The following TSGA10 variants were observed in gnomAD, a reference collection of about 807,000 sequenced individuals.
TSGA10 encodes the protein testis-specific gene 10 protein.
Under a neutral mutation model 96.6 loss-of-function variants are expected in TSGA10, and 43 were observed. The ratio of observed to expected loss-of-function variants is 0.44; its 90% confidence interval spans 0.35 to 0.57. The LOEUF (loss-of-function observed/expected upper bound fraction) is 0.57. Ranked by LOEUF, TSGA10 falls within the 20% of genes least tolerant of loss-of-function variation. The pLI, the probability that TSGA10 is intolerant of heterozygous loss-of-function variation, is 0.01. For missense variants in TSGA10, 703 were observed against 834.4 expected (o/e 0.84, Z 1.94); for synonymous variants, 229 against 269.9 (o/e 0.85, Z 1.48).
chr2:99,105,137 T>TA (rs1281848905), intron 9 of TSGA10, among the ~76,000 whole-genome samples: 1 of 152,144 alleles, frequency 6.6e-6, no homozygotes, highest in Non-Finnish European at 1.5e-5. Flanking sequence ...TTAAAGTACA[T>TA]ACTTTGCAAC....
chr2:99,077,457 C>T (rs529982813), intron 12 of TSGA10, among the ~76,000 whole-genome samples: 31 of 152,222 alleles, frequency 2.0e-4, no homozygotes, highest in Admixed American at 1.7e-3. Context: ...GCTGCTTTTG[C>T]TTAAGATATT....
intron 12 of TSGA10, among the ~76,000 whole-genome samples, chr2:99,077,736 T>C (rs559669692): frequency 6.6e-6 from 1 of 152,000 alleles, no homozygotes; most frequent in African/African-American, 2.4e-5. Context: ...TAATTTTTTG[T>C]ATTTTTAATA....
At chr2:99,029,360 AGACCAGGGT>A (rs2105029599) in intron 17 of TSGA10, among the ~76,000 whole-genome samples, 2 of 152,322 alleles carry the variant, frequency 1.3e-5, no homozygotes, top group African/African-American at 4.8e-5. Context: ...TAGAAAATCA[AGACCAGGGT>A]ATATTATATA....
At chr2:99,017,728 G>A (rs1297295747) in intron 20 of TSGA10, among the ~76,000 whole-genome samples, 2 of 148,958 alleles carry the variant, frequency 1.3e-5, no homozygotes, top group African/African-American at 5.0e-5. Flanking sequence ...TCCCGCCACT[G>A]CACTCCAGCC....
At chr2:99,011,417 C>T (rs916415957) in intron 20 of TSGA10, among the ~76,000 whole-genome samples, 4 of 152,266 alleles carry the variant, frequency 2.6e-5, no homozygotes, top group Admixed American at 2.6e-4. Flanking sequence ...CAGGCATTAG[C>T]CACCATGCCC....
chr2:99,014,670 A>AT (rs1239071752), intron 20 of TSGA10, among the ~76,000 whole-genome samples: 1 of 152,020 alleles, frequency 6.6e-6, no homozygotes, highest in Non-Finnish European at 1.5e-5. Context: ...AAATGAGACA[A>AT]AAAAATTACA....
At position 99,117,542 on chromosome 2, in the gene TSGA10, A is replaced by G; in HGVS notation, c.-140+2T>C. 1 of 985,536 alleles carries G rather than the reference A, an allele frequency of 1.0e-6. No homozygotes were observed. The highest frequency in any genetic ancestry group is 1.2e-6 in the Non-Finnish European group (1 of 829,604). 61.0% of individuals were successfully genotyped at this position (985,536 alleles called of 1,614,324 possible). ...AATCCTTATCCGTGGTAAATCTGGT[A>G]CCTTGGCTTCTTCAAGTTCCTTGTT... On this transcript the variant is annotated splice_donor_variant, in intron 4 of 20. Coordinates refer to ENST00000393483, the MANE Select transcript of TSGA10 (RefSeq NM_025244.4). LOFTEE classifies it low-confidence loss of function (5UTR_SPLICE).
chr2:99,044,819 T>A (rs1365721129), intron 16 of TSGA10, among the ~76,000 whole-genome samples: 1 of 152,120 alleles, frequency 6.6e-6, no homozygotes, highest in Admixed American at 6.5e-5. Context: ...ACAGAAATCA[T>A]AATAAACAGT....
chr2:99,128,176 G>A (rs1237334614), intron 1 of TSGA10, among the ~76,000 whole-genome samples: 1 of 152,146 alleles, frequency 6.6e-6, no homozygotes, highest in African/African-American at 2.4e-5. Flanking sequence ...CCCAGTCACT[G>A]ACCTTATGAT....
intron 10 of TSGA10, 63 bp from the exon 11 acceptor site, chr2:99,081,460 TTAAATC>T: frequency 1.2e-6 from 1 of 832,010 alleles, no homozygotes; most frequent in Non-Finnish European, 1.8e-6. Context: ...TGTAGTGTGT[TTAAATC>T]TAAAAACTTT....
intron 20 of TSGA10, among the ~76,000 whole-genome samples, chr2:99,003,493 A>G (rs2078161428): frequency 6.6e-6 from 1 of 152,220 alleles, no homozygotes; most frequent in Non-Finnish European, 1.5e-5. Flanking sequence ...TAAAAAGAAT[A>G]TACATTCTTC....
intron 16 of TSGA10, among the ~76,000 whole-genome samples, chr2:99,048,380 T>TAC (rs776511560): frequency 1.8e-4 from 27 of 150,708 alleles, no homozygotes; most frequent in East Asian, 1.4e-3. Context: ...CATATATATA[T>TAC]ACACACACAC....
chr2:99,128,525 T>G (rs535246589), intron 1 of TSGA10, among the ~76,000 whole-genome samples: 1 of 152,218 alleles, frequency 6.6e-6, no homozygotes. Context: ...TGAATGCAGA[T>G]TCTTATTTAC....
intron 10 of TSGA10, among the ~76,000 whole-genome samples, chr2:99,083,286 A>T (rs1473675976): frequency 2.0e-5 from 3 of 152,190 alleles, no homozygotes; most frequent in Non-Finnish European, 4.4e-5. Flanking sequence ...CAAACTGATA[A>T]AATGTGACAC....
intron 10 of TSGA10, among the ~76,000 whole-genome samples, chr2:99,092,955 G>C (rs1009749005): frequency 2.0e-5 from 3 of 152,008 alleles, no homozygotes; most frequent in South Asian, 4.2e-4. Context: ...AACAAAACAT[G>C]AAACTATAGA....
chr2:99,052,701 G>A (rs1248256809), intron 16 of TSGA10, among the ~76,000 whole-genome samples: 3 of 151,562 alleles, frequency 2.0e-5, no homozygotes, highest in Non-Finnish European at 2.9e-5. Flanking sequence ...TCGCGCCACT[G>A]CACTCCAGCC....
chr2:99,000,482 T>G, intron 20 of TSGA10, among the ~76,000 whole-genome samples: 1 of 144,060 alleles, frequency 6.9e-6, no homozygotes, highest in African/African-American at 2.6e-5. Flanking sequence ...TGCACTCCAG[T>G]CTGGGGGACA....
chr2:99,107,520 A>G (rs976157368), intron 7 of TSGA10, among the ~76,000 whole-genome samples: 3 of 152,212 alleles, frequency 2.0e-5, no homozygotes, highest in African/African-American at 7.2e-5. Flanking sequence ...GGCCCATTGA[A>G]CAGCCTGTAC....
intron 10 of TSGA10, among the ~76,000 whole-genome samples, chr2:99,090,005 T>A (rs1022602617): frequency 9.2e-5 from 14 of 151,778 alleles, no homozygotes. Context: ...CCTCACAGAG[T>A]CCATTTCACT....
Sources: allele counts gnomAD v4.1 joint callset (sites outside exome capture counted in the v4.1 genomes callset), GRCh38; gene constraint gnomAD v4.1.1; transcripts MANE v1.5; gene names NCBI Gene and HGNC (gene_info 2026-07-23, HGNC 2026-07-21).